Variants in APMAP observed in about 807,000 individuals in gnomAD.
APMAP encodes adipocyte plasma membrane associated protein.
In APMAP, 33 loss-of-function variants were observed where a neutral mutation model predicts 43.6. The observed-to-expected ratio is 0.76, with a 90% CI of 0.57 to 1.01. The LOEUF (loss-of-function observed/expected upper bound fraction) is 1.01. Ranked by LOEUF, APMAP falls within the 50% of genes least tolerant of loss-of-function variation. APMAP has a pLI of 0.00. For synonymous variants in APMAP, 224 were observed against 216.7 expected (o/e 1.03, Z -0.30); for missense variants, 498 against 540.7 (o/e 0.92, Z 0.78).
intron 1 of APMAP, among the ~76,000 whole-genome samples, chr20:24,985,774 T>C (rs1444987685): frequency 6.6e-6 from 1 of 151,848 alleles, no homozygotes; most frequent in African/African-American, 2.4e-5. Flanking sequence ...TTAGTAAAAC[T>C]ACGGATGTTA....
intron 7 of APMAP, among the ~76,000 whole-genome samples, chr20:24,969,297 T>C (rs903346783): frequency 7.9e-5 from 12 of 152,142 alleles, no homozygotes; most frequent in African/African-American, 2.7e-4. Context: ...ACCAAGGCCC[T>C]GCCAGCAGGG....
intron 4 of APMAP, among the ~76,000 whole-genome samples, chr20:24,973,326 C>G (rs1173075251): frequency 6.6e-6 from 1 of 152,210 alleles, no homozygotes; most frequent in Non-Finnish European, 1.5e-5. Context: ...TGTGATAACA[C>G]CTATTAGCCT....
intron 8 of APMAP, among the ~76,000 whole-genome samples, chr20:24,967,733 C>T (rs1198595090): frequency 6.6e-6 from 1 of 152,204 alleles, no homozygotes; most frequent in African/African-American, 2.4e-5. Context: ...AGTCCAAGTC[C>T]CCGGCCCAGG....
At position 24,971,624 on chromosome 20, in the gene APMAP, A is replaced by T. The variant is rs111574954; in HGVS notation, c.422-48T>A. 16 of 1,462,858 alleles carry T rather than the reference A, an allele frequency of 1.1e-5. No individual in the cohort carries two copies. In the South Asian group the frequency reaches 1.8e-4, roughly 17 times the overall value. The allele number at this position is 1,462,858 out of a possible 1,614,324, so 90.6% of individuals were successfully genotyped here. A position where few individuals can be genotyped will look rare whatever the true frequency, so the allele number is the denominator to read the frequency against. Reference sequence around the variant, plus strand: ...ATTGGTAGCTGGTCCCGGATTCTACATGTGCTGTTCTCAGTATCCAAGCAT... The same window carrying T: ...ATTGGTAGCTGGTCCCGGATTCTACTTGTGCTGTTCTCAGTATCCAAGCAT... On this transcript the variant is annotated intron_variant, in intron 4 of 8. Transcript: ENST00000217456.
Position 24,992,598 on chromosome 20 carries a change from C to T in APMAP, c.91G>A (p.Gly31Ser). 1 of 1,550,312 alleles carries T rather than the reference C, an allele frequency of 6.5e-7. No individual in the cohort carries two copies. The highest frequency in any genetic ancestry group is 1.4e-5 in the African/African-American group (1 of 72,350). Residue 31 changes from glycine to serine, a missense_variant, in exon 1 of 9, where the codon GGC (glycine) becomes AGC (serine). Gly to Ser is a moderately conservative substitution (Grantham distance 56). Transcript: ENST00000217456. ...DDGQAPEAKDGSSFSGRVFRV... is the reference protein window; with the variant it reads ...DDGQAPEAKDSSSFSGRVFRV... ...CAGTCTGGGAGTCCGCCCTACCTGC[C>T]GTCCTTAGCCTCCGGGGCCTGGCCA...
intron 8 of APMAP, among the ~76,000 whole-genome samples, chr20:24,965,399 C>A (rs894988911): frequency 2.0e-5 from 3 of 152,272 alleles, no homozygotes; most frequent in Admixed American, 6.5e-5. Context: ...ATTCTTTGTA[C>A]TACATCACTC....
At chr20:24,973,588 TCCAACA>T (rs2088024309) in intron 4 of APMAP, 51 bp downstream of exon 4, 1 of 1,535,350 alleles carries the variant, frequency 6.5e-7, no homozygotes, top group African/African-American at 1.4e-5. Flanking sequence ...CACACAACGA[TCCAACA>T]TCTTTCTGAA....
chr20:24,971,643 C>G, intron 4 of APMAP, 67 bp from the exon 5 acceptor site: 1 of 1,273,532 alleles, frequency 7.9e-7, no homozygotes, highest in Non-Finnish European at 1.1e-6. Context: ...TCTCAGTATC[C>G]AAGCATCTCA....
chr20:24,967,903 C>T (rs1235156833), intron 8 of APMAP, among the ~76,000 whole-genome samples: 8 of 152,216 alleles, frequency 5.3e-5, no homozygotes, highest in Admixed American at 6.5e-5. Context: ...ACACAGCGAC[C>T]CACAGAACTC....
At chr20:24,973,116 A>G (rs746354457) in intron 4 of APMAP, among the ~76,000 whole-genome samples, 1 of 152,230 alleles carries the variant, frequency 6.6e-6, no homozygotes, top group African/African-American at 2.4e-5. Context: ...TTTAATAAAA[A>G]CATTCCAGCT....
intron 3 of APMAP, among the ~76,000 whole-genome samples, chr20:24,974,827 T>C (rs550877645): frequency 1.3e-5 from 2 of 152,278 alleles, no homozygotes; most frequent in East Asian, 1.9e-4. Flanking sequence ...TGCTTCACAA[T>C]AGAGCACCAA....
chr20:24,964,031 A>C lies in APMAP; in HGVS notation c.1042-9T>G. On this transcript the variant is annotated splice_polypyrimidine_tract_variant and intron_variant, in intron 8 of 8. Transcript: ENST00000217456. Reference sequence around the variant, plus strand: ...GTCTCTTGACTAAAGAGCTAGAGGGAAGCACAGTGCAGGGAAAGTTCACCA... The same window carrying C: ...GTCTCTTGACTAAAGAGCTAGAGGGCAGCACAGTGCAGGGAAAGTTCACCA... 1.2e-6 allele frequency: 2 copies of C among 1,613,960 alleles called. No individual in the cohort carries two copies. The highest frequency in any genetic ancestry group is 1.7e-6 in the Non-Finnish European group (2 of 1,179,860).
chr20:24,973,494 A>C, intron 4 of APMAP, 151 bp downstream of exon 4: 1 of 700,962 alleles, frequency 1.4e-6, no homozygotes, highest in Non-Finnish European at 2.3e-6. Context: ...CGGCAAATGA[A>C]GAGCTCGTAG....
intron 3 of APMAP, among the ~76,000 whole-genome samples, chr20:24,975,829 T>C (rs2088045899): frequency 1.3e-5 from 2 of 152,062 alleles, no homozygotes; most frequent in Admixed American, 6.5e-5. Context: ...AATAGAAAAA[T>C]AAATCAATAG....
chr20:24,973,684 C>T lies in APMAP; in HGVS notation c.382G>A (p.Glu128Lys). ...CCAAACCGGGCAATGGTCTCTATTT[C>T]ACCATTTTCAAGTTTTACGACCCGG... ...DGRVVKLENG[E>K]IETIARFGSG... Residue 128 changes from glutamate to lysine, a missense_variant, in exon 4 of 9, where the codon GAA becomes AAA. Transcript: ENST00000217456. The T allele has an allele frequency of 6.2e-7, 1 of 1,614,176 alleles. No homozygotes were observed. The highest frequency in any genetic ancestry group is 8.5e-7 in the Non-Finnish European group (1 of 1,180,002).
Position 24,963,651 on chromosome 20 carries a change from A to G in APMAP, c.*162T>C, listed in dbSNP as rs1011572119. The G allele has an allele frequency of 1.4e-6, 1 of 711,450 alleles. No homozygotes were observed. The highest frequency in any genetic ancestry group is 2.3e-6 in the Non-Finnish European group (1 of 425,710). The allele number at this position is 711,450 out of a possible 1,614,324, so 44.1% of individuals were successfully genotyped here. A position where few individuals can be genotyped will look rare whatever the true frequency, so the allele number is the denominator to read the frequency against. Reference sequence around the variant, plus strand: ...AGACAAGCCCAGGTGGGGCCCGGGCATCCTCGAGGAATGAAGCAGCCATTC... The same window carrying G: ...AGACAAGCCCAGGTGGGGCCCGGGCGTCCTCGAGGAATGAAGCAGCCATTC... On this transcript the variant is annotated 3_prime_UTR_variant, in exon 9 of 9. Transcript: ENST00000217456.
chr20:24,965,387 A>G (rs2087933366), intron 8 of APMAP, among the ~76,000 whole-genome samples: 1 of 152,188 alleles, frequency 6.6e-6, no homozygotes, highest in Non-Finnish European at 1.5e-5. Flanking sequence ...CTCTTTAAAA[A>G]CATTCTTTGT....
intron 1 of APMAP, among the ~76,000 whole-genome samples, chr20:24,985,776 C>CG (rs1568817885): frequency 6.6e-6 from 1 of 151,746 alleles, no homozygotes; most frequent in Non-Finnish European, 1.5e-5. Context: ...AGTAAAACTA[C>CG]GGATGTTAAA....
At position 24,983,973 on chromosome 20, in the gene APMAP, C is replaced by T. The variant is rs777009862; in HGVS notation, c.142G>A (p.Val48Ile). The T allele has an allele frequency of 1.4e-5, 23 of 1,613,922 alleles. No homozygotes were observed. The highest frequency in any genetic ancestry group is 1.9e-5 in the Non-Finnish European group (23 of 1,179,908). ...CCAAGCAGGGGAACGGTGAGAGAAA[C>T]AGCCAGCATCAAGAAGGTCACTCGG... is the stretch of plus-strand genomic sequence containing the variant. Reference protein sequence around the residue: ...VFRVTFLMLAVSLTVPLLGAM... With the variant: ...VFRVTFLMLAISLTVPLLGAM... The change falls in exon 2 of 9, where the codon GTT (valine) becomes ATT (isoleucine). Residue 48 changes from valine to isoleucine, a missense_variant. By Grantham distance (29) the Val-to-Ile change is conservative. Coordinates refer to ENST00000217456, the MANE Select transcript of APMAP (RefSeq NM_020531.3).
Sources: allele counts gnomAD v4.1 joint callset (sites outside exome capture counted in the v4.1 genomes callset), GRCh38; gene constraint gnomAD v4.1.1; transcripts MANE v1.5; gene names NCBI Gene and HGNC (gene_info 2026-07-23, HGNC 2026-07-21).